Variants in ZFAND3 observed in about 807,000 individuals in gnomAD.
ZFAND3 encodes AN1-type zinc finger protein 3.
Under a neutral mutation model 29.6 loss-of-function variants are expected in ZFAND3, and 10 were observed. The observed-to-expected ratio is 0.34, with a 90% CI of 0.21 to 0.57. The LOEUF is 0.57. Ranked by LOEUF, ZFAND3 falls within the 20% of genes least tolerant of loss-of-function variation. ZFAND3 has a pLI of 0.86. For missense variants in ZFAND3, 230 were observed against 304.5 expected (o/e 0.76, Z 1.82); for synonymous variants, 128 against 112.6 (o/e 1.14, Z -0.87).
intron 1 of ZFAND3, among the ~76,000 whole-genome samples, chr6:37,889,363 A>G (rs72849390): frequency 8.9e-4 from 135 of 152,270 alleles, no homozygotes; most frequent in Admixed American, 2.7e-3. Flanking sequence ...CACATCATCA[A>G]TTGTGTGCCA....
chr6:38,013,524 A>T (rs1763198044), intron 2 of ZFAND3, among the ~76,000 whole-genome samples: 1 of 152,186 alleles, frequency 6.6e-6, no homozygotes, highest in Admixed American at 6.5e-5. Context: ...AACACATAGA[A>T]AGCACACAGT....
At position 38,082,558 on chromosome 6, in the gene ZFAND3, C is replaced by A. The variant is rs182237548; in HGVS notation, c.361+101C>A. 143 of 1,115,492 alleles carry A rather than the reference C, an allele frequency of 1.3e-4. 2 individuals carry two copies. The Admixed American group carries it at 2.9e-3, about 22-fold the overall frequency. 69.1% of individuals were successfully genotyped at this position (1,115,492 alleles called of 1,614,324 possible). A position where few individuals can be genotyped will look rare whatever the true frequency, so the allele number is the denominator to read the frequency against. Reference sequence around the variant, plus strand: ...TGTGCTTCTCAGGGTACTCTGATTTCTTCCGTCAGTTGTGAGGTGATATGT... The same window carrying A: ...TGTGCTTCTCAGGGTACTCTGATTTATTCCGTCAGTTGTGAGGTGATATGT... On this transcript the variant is annotated intron_variant, in intron 4 of 5. Transcript: ENST00000287218.
chr6:38,151,440 C>T (rs1766222655), intron 5 of ZFAND3, among the ~76,000 whole-genome samples: 1 of 151,904 alleles, frequency 6.6e-6, no homozygotes, highest in Non-Finnish European at 1.5e-5. Context: ...TGAAGGACAG[C>T]TGGGGGTCCG....
In ZFAND3 at chr6:38,019,895, T is replaced by A. The variant is rs532938517; in HGVS notation, c.113-41698T>A. ...TGCCACCACACCCAGCTAATTTTTG[T>A]ATTTTTAGTAGAGACGGTTTCAGTA... On this transcript the variant is annotated intron_variant, in intron 2 of 5. Coordinates refer to ENST00000287218, the MANE Select transcript of ZFAND3 (RefSeq NM_021943.3). Among the ~76,000 whole-genome samples, 8 of 152,256 alleles carry A rather than the reference T, an allele frequency of 5.3e-5. No individual in the cohort carries two copies. The East Asian group carries it at 1.5e-3, about 29-fold the overall frequency.
chr6:38,069,925 A>G lies in ZFAND3; in HGVS notation c.295+8150A>G, dbSNP rs749819529. Reference sequence around the variant, plus strand: ...TTTCTTTTTCAAAACTTTTAATCCTATTTTTAAGTATGCAAGTAAAACATG... The same window carrying G: ...TTTCTTTTTCAAAACTTTTAATCCTGTTTTTAAGTATGCAAGTAAAACATG... On this transcript the variant is annotated intron_variant, in intron 3 of 5. Transcript: ENST00000287218. 5.9e-5 allele frequency among the ~76,000 whole-genome samples: 9 copies of G among 152,262 alleles called. 1 individual carries two copies. Among genetic ancestry groups the G allele is most frequent in the Non-Finnish European group, 7.4e-5 (5 of 68,002 alleles).
chr6:38,071,065 TTATA>T (rs138964435), intron 3 of ZFAND3, among the ~76,000 whole-genome samples: 1 of 148,720 alleles, frequency 6.7e-6, no homozygotes. Context: ...AGGAATTCTT[TTATA>T]TATATATATA....
chr6:37,936,784 A>G (rs1331954857), intron 2 of ZFAND3, among the ~76,000 whole-genome samples: 1 of 152,240 alleles, frequency 6.6e-6, no homozygotes, highest in Non-Finnish European at 1.5e-5. Context: ...AGTGAAGTGA[A>G]TTTATACAAT....
chr6:38,061,900 A>C (rs75620827), intron 3 of ZFAND3, 125 bp downstream of exon 3: 7 of 1,162,560 alleles, frequency 6.0e-6, no homozygotes, highest in Non-Finnish European at 8.3e-6. Flanking sequence ...GTCCACATAC[A>C]AGGCCCAAGC....
chr6:37,974,655 C>T (rs940119187), intron 2 of ZFAND3, among the ~76,000 whole-genome samples: 2 of 152,146 alleles, frequency 1.3e-5, no homozygotes, highest in African/African-American at 2.4e-5. Flanking sequence ...CTTGGTCTCC[C>T]AAAGTGCTGG....
chr6:37,932,342 C>A (rs1179809093), intron 2 of ZFAND3, among the ~76,000 whole-genome samples: 2 of 152,068 alleles, frequency 1.3e-5, no homozygotes, highest in African/African-American at 4.8e-5. Flanking sequence ...TGAAGAAATG[C>A]TTCTTCACTG....
At chr6:37,837,883 T>C (rs1023774926) in intron 1 of ZFAND3, among the ~76,000 whole-genome samples, 1 of 152,200 alleles carries the variant, frequency 6.6e-6, no homozygotes, top group Non-Finnish European at 1.5e-5. Context: ...AAAAATACAC[T>C]TTGTTTAAAA....
intron 4 of ZFAND3, chr6:38,088,515 A>G (rs1262067647): frequency 6.6e-6 from 1 of 152,222 alleles, no homozygotes; most frequent in Non-Finnish European, 1.5e-5. Context: ...TAACTTACTT[A>G]AAGAGTGTAA....
intron 3 of ZFAND3, among the ~76,000 whole-genome samples, chr6:38,082,151 T>TG (rs1490021444): frequency 1.7e-3 from 251 of 152,080 alleles, no homozygotes; most frequent in Admixed American, 4.5e-3. Context: ...TGTTTTTTTT[T>TG]TTTTTGTGTG....
At chr6:37,911,592 T>C (rs1765521729) in intron 1 of ZFAND3, among the ~76,000 whole-genome samples, 1 of 152,212 alleles carries the variant, frequency 6.6e-6, no homozygotes, top group Admixed American at 6.5e-5. Context: ...CTGACCATGC[T>C]TGGCAGTATG....
chr6:38,032,749 A>C (rs1198174030), intron 2 of ZFAND3, among the ~76,000 whole-genome samples: 1 of 152,238 alleles, frequency 6.6e-6, no homozygotes, highest in East Asian at 1.9e-4. Context: ...ATTTAGCTGA[A>C]GTTGTGCCTG....
At chr6:38,019,720 A>G (rs1763313457) in intron 2 of ZFAND3, among the ~76,000 whole-genome samples, 1 of 152,080 alleles carries the variant, frequency 6.6e-6, no homozygotes, top group South Asian at 2.1e-4. Flanking sequence ...TCAAAACACC[A>G]TTTTGTGTTT....
At chr6:38,128,944 C>T (rs1765689632) in intron 5 of ZFAND3, among the ~76,000 whole-genome samples, 1 of 152,102 alleles carries the variant, frequency 6.6e-6, no homozygotes, top group Non-Finnish European at 1.5e-5. Flanking sequence ...AGTTGTACCA[C>T]CAGCAGTGTA....
intron 2 of ZFAND3, among the ~76,000 whole-genome samples, chr6:38,046,321 T>A (rs1478743423): frequency 1.3e-5 from 2 of 152,228 alleles, no homozygotes; most frequent in African/African-American, 2.4e-5. Context: ...TCTGAAGGAA[T>A]TTGCCTATAT....
At chr6:38,086,495 A>G (rs1329864902) in intron 4 of ZFAND3, among the ~76,000 whole-genome samples, 3 of 152,202 alleles carry the variant, frequency 2.0e-5, no homozygotes, top group Admixed American at 2.0e-4. Flanking sequence ...CAGAGTTTAC[A>G]TTTCTTCAGA....
Sources: allele counts gnomAD v4.1 joint callset (sites outside exome capture counted in the v4.1 genomes callset), GRCh38; gene constraint gnomAD v4.1.1; transcripts MANE v1.5; gene names NCBI Gene and HGNC (gene_info 2026-07-23, HGNC 2026-07-21).